The following MYO19 variants were observed in gnomAD, a reference collection of about 807,000 sequenced individuals.
MYO19 encodes the protein myosin XIX, also known as unconventional myosin-XIX.
In MYO19, 132 loss-of-function variants were observed where a neutral mutation model predicts 129.2. That is an observed-to-expected ratio of 1.02 (90% CI 0.89 to 1.18). The LOEUF is 1.18. Ranked by LOEUF, MYO19 falls within the 50% of genes most tolerant of loss-of-function variation. MYO19 has a pLI of 0.00. For missense variants in MYO19, 1,210 were observed against 1,216.7 expected (o/e 0.99, Z 0.08); for synonymous variants, 531 against 477.2 (o/e 1.11, Z -1.47).
chr17:36,535,229 G>C (rs965837035), upstream of MYO19: 1 of 152,044 alleles, frequency 6.6e-6, no homozygotes, highest in African/African-American at 2.4e-5. Context: ...AGTGTTGTGC[G>C]AGGCCGGCGG....
In MYO19 at chr17:36,503,958, G is replaced by T; in HGVS notation, c.1968C>A (p.Phe656Leu). The change falls in exon 20 of 26, where the codon TTC becomes TTA. Residue 656 changes from phenylalanine (F) to leucine (L), a missense_variant. Transcript: ENST00000614623. The part of the protein sequence containing the change: ...VETIHISAAG[F>L]PIRVSHRNFV... ...TGATCGAGCCCACTCACCGGATGGG[G>T]AAGCCAGCAGCACTGATATGGATGG... is the stretch of plus-strand genomic sequence containing the variant. 1 of 1,591,042 alleles carries T rather than the reference G, an allele frequency of 6.3e-7. No individual in the cohort carries two copies.
At chr17:36,512,509 A>G (rs2072428056) in intron 11 of MYO19, 2 of 856,270 alleles carry the variant, frequency 2.3e-6, no homozygotes, top group Non-Finnish European at 3.1e-6. Context: ...TCCGGCCACA[A>G]CTTGCTCCAG....
intron 11 of MYO19, among the ~76,000 whole-genome samples, chr17:36,511,878 T>G (rs562162912): frequency 1.3e-5 from 2 of 152,202 alleles, no homozygotes; most frequent in African/African-American, 4.8e-5. Flanking sequence ...TGTCTCTGCT[T>G]CCTTGAGCCC....
chr17:36,538,032 G>T, upstream of MYO19: 7 of 1,614,050 alleles, frequency 4.3e-6, no homozygotes, highest in Non-Finnish European at 5.9e-6. Context: ...CTCTACCCTG[G>T]GGTATGTGGC....
intron 17 of MYO19, 120 bp downstream of exon 17, chr17:36,506,843 T>C (rs2071929949): frequency 7.7e-6 from 10 of 1,291,952 alleles, no homozygotes; most frequent in Non-Finnish European, 8.3e-6. Flanking sequence ...ATGGTGATTC[T>C]GGATTCTGGG....
chr17:36,510,853 C>A lies in MYO19; in HGVS notation c.1050G>T (p.Gln350His). Residue 350 changes from glutamine (Q) to histidine (H), a missense_variant, in exon 13 of 26, where the codon CAG becomes CAT. Physicochemically the swap from Gln to His is conservative, Grantham distance 24 (BLOSUM62 0). Coordinates refer to ENST00000614623, the MANE Select transcript of MYO19 (RefSeq NM_001163735.2). ...LPEDVLLEMVQIRTIRAGRQQ... is the reference protein window; with the variant it reads ...LPEDVLLEMVHIRTIRAGRQQ... ...GTCTGCCTGCCCTGATGGTTCTAAT[C>A]TGCACCATCTCCAGCAGCACGTCCT... is the stretch of plus-strand genomic sequence containing the variant. The A allele has an allele frequency of 6.3e-7, 1 of 1,581,868 alleles. No individual in the cohort carries two copies. The highest frequency in any genetic ancestry group is 8.6e-7 in the Non-Finnish European group (1 of 1,163,812).
intron 9 of MYO19, among the ~76,000 whole-genome samples, 153 bp downstream of exon 9, chr17:36,514,293 T>A (rs189203959): frequency 6.6e-6 from 1 of 152,162 alleles, no homozygotes; most frequent in Admixed American, 6.5e-5. Context: ...GAGGCAGAAG[T>A]GCTGCATGTA....
At chr17:36,527,409 T>G in intron 5 of MYO19, 142 bp downstream of exon 5, 1 of 852,716 alleles carries the variant, frequency 1.2e-6, no homozygotes, top group Non-Finnish European at 1.7e-6. Flanking sequence ...TTCTGCCAGC[T>G]CCTATTGGGC....
intron 6 of MYO19, among the ~76,000 whole-genome samples, chr17:36,523,688 T>C (rs2073287004): frequency 6.6e-6 from 1 of 152,156 alleles, no homozygotes; most frequent in Non-Finnish European, 1.5e-5. Context: ...ATTAACTTAA[T>C]TAGAAATTAT....
intron 11 of MYO19, chr17:36,512,602 G>C (rs1197249531): frequency 1.6e-6 from 2 of 1,281,044 alleles, no homozygotes; most frequent in African/African-American, 3.0e-5. Flanking sequence ...GACTCCCAGT[G>C]TTGTCCACTT....
chr17:36,501,019 G>A (rs566242798), intron 22 of MYO19, 50 bp downstream of exon 22: 52 of 1,603,706 alleles, frequency 3.2e-5, no homozygotes, highest in Non-Finnish European at 4.1e-5. Flanking sequence ...TCCTGCTGAG[G>A]AGAGCACACA....
rs755402457 is a variant in MYO19, at chr17:36,506,951, C to A, written c.1644+12G>T. 1.5e-5 allele frequency: 24 copies of A among 1,577,220 alleles called. No individual in the cohort carries two copies. The African/African-American group carries it at 3.1e-4, about 20-fold the overall frequency. ...TTCTCGCAGGCCCCACAGGGCATGG[C>A]CCAGCCCGTACCTTGTTCTTCTCCA... is the stretch of plus-strand genomic sequence containing the variant. On this transcript the variant is annotated intron_variant, in intron 17 of 25. Transcript: ENST00000614623.
intron 21 of MYO19, 150 bp from the exon 22 acceptor site, chr17:36,501,385 G>C: frequency 1.2e-6 from 1 of 834,860 alleles, no homozygotes. Flanking sequence ...TTCTTTTGGA[G>C]GAAGCCACAA....
intron 23 of MYO19, chr17:36,499,660 GTTTCT>G (rs2071342555): frequency 5.5e-5 from 3 of 54,472 alleles, no homozygotes; most frequent in African/African-American, 2.3e-4. Context: ...TTTTCTTTTT[GTTTCT>G]TTTTTTTTTT....
At position 36,501,289 on chromosome 17, in the gene MYO19, G is replaced by A. The variant is rs528364815; in HGVS notation, c.2081-54C>T. 9.7e-6 allele frequency: 15 copies of A among 1,547,658 alleles called. No homozygotes were observed. In the African/African-American group the frequency reaches 1.6e-4, roughly 17 times the overall value. ...CATGGTCATCTCTACATGCCTCTGTGGCCTGAAGAAACTGGCTTTGGCCTC... is the reference window on the plus strand; with the variant it reads ...CATGGTCATCTCTACATGCCTCTGTAGCCTGAAGAAACTGGCTTTGGCCTC... On this transcript the variant is annotated intron_variant, in intron 21 of 25. Coordinates refer to ENST00000614623, the MANE Select transcript of MYO19 (RefSeq NM_001163735.2).
intron 11 of MYO19, chr17:36,512,583 T>G (rs1366330245): frequency 8.0e-7 from 1 of 1,257,678 alleles, no homozygotes; most frequent in African/African-American, 1.5e-5. Flanking sequence ...CCCAAAGCAC[T>G]CCTGCCCCGA....
intron 11 of MYO19, chr17:36,513,176 C>A: frequency 7.1e-7 from 1 of 1,415,830 alleles, no homozygotes; most frequent in Non-Finnish European, 9.2e-7. Flanking sequence ...TTGCTCTCTG[C>A]CCCCATGGAT....
chr17:36,535,654 T>C (rs1715246485), upstream of MYO19: 6 of 152,230 alleles, frequency 3.9e-5, no homozygotes, highest in Admixed American at 1.3e-4. Context: ...AAAGACTTTT[T>C]ATTTTTATGT....
At chr17:36,498,110 CCTG>C in intron 25 of MYO19, 153 bp downstream of exon 25, 1 of 716,706 alleles carries the variant, frequency 1.4e-6, no homozygotes. Context: ...ATAATCCAAA[CCTG>C]CAGCTGATTG....
Sources: gnomAD v4.1 joint callset for allele counts (sites outside exome capture counted in the v4.1 genomes callset) on GRCh38, gnomAD v4.1.1 for gene constraint, MANE v1.5 for transcripts, NCBI Gene and HGNC (gene_info 2026-07-23, HGNC 2026-07-21) for gene names.